The following SLC26A11 variants were observed in gnomAD, a reference collection of about 807,000 sequenced individuals.
SLC26A11 encodes the protein sodium-independent sulfate anion transporter.
SLC26A11 carries 58 observed loss-of-function variants against 62.2 expected under a neutral mutation model. The ratio of observed to expected loss-of-function variants is 0.93; its 90% confidence interval spans 0.76 to 1.16. The LOEUF (loss-of-function observed/expected upper bound fraction) is 1.16, where lower values mean the gene tolerates loss of function less well. SLC26A11 is among the 50% of genes most tolerant of loss of function. The pLI, the probability that SLC26A11 is intolerant of heterozygous loss-of-function variation, is 0.00. For missense variants in SLC26A11, 790 were observed against 794.3 expected (o/e 0.99, Z 0.06); for synonymous variants, 411 against 368.9 (o/e 1.11, Z -1.31).
chr17:80,229,404 A>G (rs998976033), intron 7 of SLC26A11, among the ~76,000 whole-genome samples: 1 of 151,660 alleles, frequency 6.6e-6, no homozygotes, highest in Non-Finnish European at 1.5e-5. Context: ...GAAATAGTGA[A>G]AATGCTTTGT....
At chr17:80,239,759 C>T (rs2042807638) in intron 9 of SLC26A11, among the ~76,000 whole-genome samples, 1 of 152,218 alleles carries the variant, frequency 6.6e-6, no homozygotes. Context: ...ATCCTCCTGC[C>T]TCGGCTTTCA....
intron 16 of SLC26A11, among the ~76,000 whole-genome samples, chr17:80,250,034 G>A (rs2043117408): frequency 6.6e-6 from 1 of 152,084 alleles, no homozygotes; most frequent in Non-Finnish European, 1.5e-5. Context: ...AAAGTGTAAG[G>A]GCTGGGTCCC....
chr17:80,237,191 A>G (rs1056084234), intron 8 of SLC26A11, 88 bp downstream of exon 8: 40 of 1,454,574 alleles, frequency 2.7e-5, no homozygotes, highest in Middle Eastern at 2.1e-4. Flanking sequence ...GCTGGGTGCC[A>G]GGGGGTCTGA....
intron 10 of SLC26A11, among the ~76,000 whole-genome samples, chr17:80,243,157 G>A (rs1057471627): frequency 1.3e-5 from 2 of 152,168 alleles, no homozygotes; most frequent in African/African-American, 4.8e-5. Flanking sequence ...ACAATTTCAC[G>A]AGAGCCATTT....
chr17:80,225,207 A>G (rs951821045), intron 5 of SLC26A11, among the ~76,000 whole-genome samples: 6 of 152,064 alleles, frequency 3.9e-5, no homozygotes. Flanking sequence ...AGAAAAAAAA[A>G]CTAAACTAAA....
chr17:80,235,235 A>C (rs558287533), intron 7 of SLC26A11, among the ~76,000 whole-genome samples: 3 of 152,036 alleles, frequency 2.0e-5, no homozygotes, highest in Admixed American at 2.0e-4. Flanking sequence ...AGTATATGGA[A>C]TTTGGTTACA....
chr17:80,228,393 G>A lies in SLC26A11; in HGVS notation c.736+433G>A, dbSNP rs1304744198. Among the ~76,000 whole-genome samples the A allele has an allele frequency of 3.3e-5, 5 of 152,090 alleles. No individual in the cohort carries two copies. The highest frequency in any genetic ancestry group is 1.3e-4 in the Admixed American group (2 of 15,264). On this transcript the variant is annotated intron_variant, in intron 7 of 17. Coordinates refer to ENST00000361193, the MANE Select transcript of SLC26A11 (RefSeq NM_001166347.2). This position sits in a 1 kb window ranked among gnomAD's most constrained non-coding sequence, Gnocchi z 4.1. Reference sequence around the variant, plus strand: ...AGTGATCTGCCTGCCTCGGCCTCCCGAAGTGCTGGGATTACAGGCATGAGC... The same window carrying A: ...AGTGATCTGCCTGCCTCGGCCTCCCAAAGTGCTGGGATTACAGGCATGAGC...
At position 80,222,754 on chromosome 17, in the gene SLC26A11, G is replaced by C; in HGVS notation, c.334G>C (p.Val112Leu). 1 of 1,614,102 alleles carries C rather than the reference G, an allele frequency of 6.2e-7. No individual in the cohort carries two copies. Residue 112 changes from valine (V) to leucine (L), a missense_variant, in exon 4 of 18, where the codon GTC (valine) becomes CTC (leucine). Coordinates refer to ENST00000361193, the MANE Select transcript of SLC26A11 (RefSeq NM_001166347.2). This position sits in a 1 kb window ranked among gnomAD's most constrained non-coding sequence, Gnocchi z 4.7. The part of the protein sequence containing the change: ...LGPTAIMSLL[V>L]SFYTFHEPAY... ...CCCCACCGCCATTATGTCCCTCCTG[G>C]TCTCCTTCTACACCTTCCATGAGCC... is the stretch of plus-strand genomic sequence containing the variant.
intron 16 of SLC26A11, 147 bp downstream of exon 16, chr17:80,249,434 C>A: frequency 8.4e-7 from 1 of 1,183,602 alleles, no homozygotes; most frequent in Non-Finnish European, 1.2e-6. Flanking sequence ...TTAAACAGTT[C>A]TTGTTCCCAT....
chr17:80,221,964 C>A, intron 3 of SLC26A11, 170 bp downstream of exon 3: 1 of 688,144 alleles, frequency 1.5e-6, no homozygotes, highest in Non-Finnish European at 2.4e-6. Context: ...GGCTCCTATG[C>A]CTGTTTGGCA....
In SLC26A11 at chr17:80,246,641, G is replaced by T. The variant is rs576299920; in HGVS notation, c.1286G>T (p.Arg429Leu). The T allele has an allele frequency of 1.9e-5, 30 of 1,613,568 alleles. No homozygotes were observed. Among genetic ancestry groups the T allele is most frequent in the Non-Finnish European group, 2.5e-5 (30 of 1,179,900 alleles). ...FDTKIFRTLW[R>L]VKRLDLLPLC... ...ACCAAGATCTTCAGGACGCTCTGGC[G>T]TGTTAAGAGTACGTCCTTGTCCTAC... Residue 429 changes from arginine to leucine, a missense_variant, in exon 13 of 18, where the codon CGT becomes CTT. Physicochemically the swap from Arg to Leu is moderately radical, Grantham distance 102 (BLOSUM62 -2). Transcript: ENST00000361193. This position sits in a 1 kb window ranked among gnomAD's most constrained non-coding sequence, Gnocchi z 4.4.
intron 16 of SLC26A11, 131 bp from the exon 17 acceptor site, chr17:80,251,198 T>C: frequency 6.4e-7 from 1 of 1,568,282 alleles, no homozygotes; most frequent in Non-Finnish European, 8.7e-7. Context: ...GCGTTTCTTC[T>C]CACCATTCAC....
rs756212450 is a variant in SLC26A11 at position 80,237,534 on chromosome 17, G to A, written c.925G>A (p.Gly309Arg). The A allele has an allele frequency of 1.8e-5, 29 of 1,610,938 alleles. No individual in the cohort carries two copies. The highest frequency in any genetic ancestry group is 4.5e-5 in the East Asian group (2 of 44,802). The change falls in exon 9 of 18, where the codon GGG becomes AGG. Residue 309 changes from glycine to arginine, a missense_variant. Physicochemically the swap from Gly to Arg is moderately radical, Grantham distance 125. Transcript: ENST00000361193. Reference protein sequence around the residue: ...FTEMVQDMGAGLAVVPLMGLL... With the variant: ...FTEMVQDMGARLAVVPLMGLL... ...TCTCCTCTCTCAGGACATGGGAGCCGGGCTGGCCGTGGTGCCCCTGATGGG... is the reference window on the plus strand; with the variant it reads ...TCTCCTCTCTCAGGACATGGGAGCCAGGCTGGCCGTGGTGCCCCTGATGGG...
rs1555629117 is a variant in SLC26A11 at position 80,238,811 on chromosome 17, G to GGTTTTTTTTTTTTTTTTTT, written c.985+1217_985+1218insGTTTTTTTTTTTTTTTTTT. 1.7e-4 allele frequency among the ~76,000 whole-genome samples: 21 copies of GGTTTTTTTTTTTTTTTTTT among 123,226 alleles called. 2 individuals are homozygous for GGTTTTTTTTTTTTTTTTTT. The highest frequency in any genetic ancestry group is 6.9e-4 in the African/African-American group (20 of 29,194). The allele number at this position is 123,226 out of a possible 152,430, so 80.8% of individuals were successfully genotyped here. A position where few individuals can be genotyped will look rare whatever the true frequency, so the allele number is the denominator to read the frequency against. On this transcript the variant is annotated intron_variant, in intron 9 of 17. Transcript: ENST00000361193. ...TCTAACCCTTACCCCCTTCAAAGGA[G>GGTTTTTTTTTTTTTTTTTT]TTTTTTTTGTTTTTTGTTTTTTTTT...
At chr17:80,251,992 G>A (rs1842128777) in intron 17 of SLC26A11, among the ~76,000 whole-genome samples, 1 of 152,158 alleles carries the variant, frequency 6.6e-6, no homozygotes, top group African/African-American at 2.4e-5. Flanking sequence ...ACATCCCGGG[G>A]GATCAGGACA....
intron 15 of SLC26A11, 142 bp downstream of exon 15, chr17:80,248,816 T>C (rs2043082514): frequency 1.2e-6 from 1 of 854,656 alleles, no homozygotes; most frequent in African/African-American, 1.7e-5. Flanking sequence ...GGCTGGACCG[T>C]CCTCTGTGGG....
intron 14 of SLC26A11, 115 bp from the exon 15 acceptor site, chr17:80,248,460 T>C (rs1368184868): frequency 3.1e-6 from 4 of 1,297,662 alleles, no homozygotes; most frequent in Non-Finnish European, 4.2e-6. Flanking sequence ...TTAGCACCCC[T>C]CTCCCGGTCC....
chr17:80,222,892 AT>A lies in SLC26A11; in HGVS notation c.427+48del, dbSNP rs764440846. The A allele has an allele frequency of 3.5e-5, 53 of 1,535,370 alleles. No homozygotes were observed. In the Admixed American group the frequency reaches 9.0e-4, roughly 26 times the overall value. ...CCAAGGGGATGCCCTCGACCTCAGC[AT>A]TTGCTTGTTTGCATTTCAAGTCTAT... On this transcript the variant is annotated intron_variant, in intron 4 of 17. Transcript: ENST00000361193. This position sits in a 1 kb window ranked among gnomAD's most constrained non-coding sequence, Gnocchi z 4.7.
intron 5 of SLC26A11, among the ~76,000 whole-genome samples, chr17:80,225,015 CCT>C (rs1400001172): frequency 6.6e-6 from 1 of 152,022 alleles, no homozygotes; most frequent in Non-Finnish European, 1.5e-5. Context: ...TCAACTTTCC[CCT>C]CTGACTCCTG....
Sources: allele counts gnomAD v4.1 joint callset (sites outside exome capture counted in the v4.1 genomes callset), GRCh38; gene constraint gnomAD v4.1.1; non-coding constraint Gnocchi (gnomAD v3.1); transcripts MANE v1.5; gene names NCBI Gene and HGNC (gene_info 2026-07-23, HGNC 2026-07-21).